CHD1L: variants seen among roughly 807,000 people sequenced by gnomAD.
CHD1L encodes chromodomain helicase DNA binding protein 1 like.
A neutral mutation model predicts 115.9 loss-of-function variants in CHD1L; 118 were observed. That is an observed-to-expected ratio of 1.02 (90% CI 0.88 to 1.19). The LOEUF (loss-of-function observed/expected upper bound fraction) is 1.19, where lower values mean the gene tolerates loss of function less well. Ranked by LOEUF, CHD1L falls within the 50% of genes most tolerant of loss-of-function variation. The pLI, the probability that CHD1L is intolerant of heterozygous loss-of-function variation, is 0.00. For synonymous variants in CHD1L, 411 were observed against 387.1 expected (o/e 1.06, Z -0.72); for missense variants, 1,179 against 1,065.3 (o/e 1.11, Z -1.49).
intron 20 of CHD1L, 76 bp from the exon 21 acceptor site, chr1:147,293,532 C>T (rs1266133591): frequency 3.3e-6 from 4 of 1,230,518 alleles, no homozygotes; most frequent in South Asian, 2.4e-5. Context: ...AGGGCTGTGC[C>T]GCCTCCATGG....
Position 147,291,523 on chromosome 1 carries a change from A to G in CHD1L, c.2362A>G (p.Lys788Glu). ...TGTCCTTTTATTTCCTGTTGATGATAAAGAATCAAGAAACAAAGGGCAAGA... is the reference window on the plus strand; with the variant it reads ...TGTCCTTTTATTTCCTGTTGATGATGAAGAATCAAGAAACAAAGGGCAAGA... ...GGVLLFPVDD[K>E]ESRNKGQDLL... Residue 788 changes from lysine to glutamate, a missense_variant, in exon 20 of 23, where the codon AAA (lysine) becomes GAA (glutamate). Coordinates refer to ENST00000369258, the MANE Select transcript of CHD1L (RefSeq NM_004284.6). 1.2e-6 allele frequency: 2 copies of G among 1,613,524 alleles called. No homozygotes were observed. The highest frequency in any genetic ancestry group is 1.7e-5 in the Admixed American group (1 of 60,012).
chr1:147,252,379 T>C (rs1455128643), intron 1 of CHD1L, among the ~76,000 whole-genome samples: 18 of 152,176 alleles, frequency 1.2e-4, no homozygotes, highest in African/African-American at 4.1e-4. Context: ...ATTTATCAAG[T>C]GAATCAGGTA....
intron 14 of CHD1L, among the ~76,000 whole-genome samples, chr1:147,278,166 C>T (rs1679265102): frequency 6.6e-6 from 1 of 151,642 alleles, no homozygotes. Flanking sequence ...AGGTGATAAC[C>T]CAGAGCCCTT....
At chr1:147,220,098 A>G in the CHD1L span, among the ~76,000 whole-genome samples, 1 of 152,126 alleles carries the variant, frequency 6.6e-6, no homozygotes, top group Non-Finnish European at 1.5e-5. Context: ...TCGGCCTCCC[A>G]AAGTGCTGGG....
At chr1:147,204,043 C>T in the CHD1L span, 2 of 1,174,318 alleles carry the variant, frequency 1.7e-6, no homozygotes, top group East Asian at 4.7e-5. Context: ...CCATGTCTGC[C>T]ACTTTGCCAC....
upstream of CHD1L, chr1:147,242,601 G>T (rs782302656): frequency 8.7e-6 from 10 of 1,155,734 alleles, no homozygotes; most frequent in Non-Finnish European, 9.8e-6. Flanking sequence ...GCGGCGCCTC[G>T]CTCGTAGGTG....
chr1:147,191,385 G>A, the CHD1L span, among the ~76,000 whole-genome samples: 1 of 152,148 alleles, frequency 6.6e-6, no homozygotes, highest in Admixed American at 6.5e-5. Flanking sequence ...TCTAACTGGT[G>A]TGAGATGGTA....
chr1:147,209,304 T>A, the CHD1L span, among the ~76,000 whole-genome samples: 101 of 151,886 alleles, frequency 6.6e-4, 1 homozygote, highest in Non-Finnish European at 9.3e-4. Flanking sequence ...CAGGCGTGGT[T>A]GCAGGTGCCT....
At chr1:147,283,709 C>A (rs1553963400) in intron 15 of CHD1L, among the ~76,000 whole-genome samples, 3 of 152,114 alleles carry the variant, frequency 2.0e-5, no homozygotes, top group Non-Finnish European at 4.4e-5. Flanking sequence ...ATCTCTCCAC[C>A]CTTCTAGAGA....
chr1:147,188,134 T>C, the CHD1L span, among the ~76,000 whole-genome samples: 1 of 152,122 alleles, frequency 6.6e-6, no homozygotes, highest in African/African-American at 2.4e-5. Flanking sequence ...GGTAAAACAG[T>C]AAAGAATTTG....
At chr1:147,294,734 C>T (rs1553975168) in intron 22 of CHD1L, among the ~76,000 whole-genome samples, 1 of 152,086 alleles carries the variant, frequency 6.6e-6, no homozygotes, top group East Asian at 1.9e-4. Flanking sequence ...TTCTGGATGC[C>T]AGCAGATAAA....
rs782064389 is a variant in CHD1L at position 147,270,912 on chromosome 1, C to T, written c.1086-20C>T. 4.3e-6 allele frequency: 7 copies of T among 1,611,324 alleles called. No individual in the cohort carries two copies. Among genetic ancestry groups the T allele is most frequent in the Admixed American group, 1.7e-5 (1 of 59,980 alleles). Reference sequence around the variant, plus strand: ...AATACCACTAGACTTGGCAGTGTTTCCTTTTCTTTTTCTTGCCAGGGGCCA... The same window carrying T: ...AATACCACTAGACTTGGCAGTGTTTTCTTTTCTTTTTCTTGCCAGGGGCCA... On this transcript the variant is annotated intron_variant, in intron 10 of 22. Coordinates refer to ENST00000369258, the MANE Select transcript of CHD1L (RefSeq NM_004284.6).
the CHD1L span, among the ~76,000 whole-genome samples, chr1:147,192,915 A>T: frequency 6.6e-6 from 1 of 152,152 alleles, no homozygotes; most frequent in African/African-American, 2.4e-5. Context: ...TCAGTTTGCC[A>T]GTATTTTATT....
chr1:147,199,213 G>A, the CHD1L span, among the ~76,000 whole-genome samples: 1 of 151,438 alleles, frequency 6.6e-6, no homozygotes, highest in Non-Finnish European at 1.5e-5. Flanking sequence ...AAGGAGGCAG[G>A]CTTTGTTGGG....
chr1:147,235,619 A>G, the CHD1L span, among the ~76,000 whole-genome samples: 1 of 152,174 alleles, frequency 6.6e-6, no homozygotes, highest in Admixed American at 6.5e-5. Context: ...CAGAATAGGT[A>G]TGCTCATTTT....
chr1:147,178,958 G>A, the CHD1L span: 67 of 1,612,630 alleles, frequency 4.2e-5, no homozygotes, highest in Non-Finnish European at 5.2e-5. Flanking sequence ...TGGAGAAACA[G>A]GGTAATGATG....
chr1:147,198,655 C>T, the CHD1L span, among the ~76,000 whole-genome samples: 13 of 151,846 alleles, frequency 8.6e-5, no homozygotes, highest in African/African-American at 2.7e-4. Context: ...TGGAGACCAT[C>T]CTGGCTAACA....
intron 10 of CHD1L, among the ~76,000 whole-genome samples, chr1:147,270,684 C>T (rs587627835): frequency 6.6e-6 from 1 of 152,260 alleles, no homozygotes; most frequent in East Asian, 1.9e-4. Flanking sequence ...GTTGCATTGA[C>T]ACGTCTCCTG....
intron 6 of CHD1L, chr1:147,260,934 A>G (rs587672679): frequency 3.3e-5 from 5 of 152,306 alleles, no homozygotes; most frequent in East Asian, 3.9e-4. Context: ...ATGAGACCAC[A>G]TATGTTAATT....
Sources: allele counts gnomAD v4.1 joint callset (sites outside exome capture counted in the v4.1 genomes callset), GRCh38; gene constraint gnomAD v4.1.1; transcripts MANE v1.5; gene names NCBI Gene and HGNC (gene_info 2026-07-23, HGNC 2026-07-21).